Variants in CLN6 observed in about 807,000 individuals in gnomAD.
CLN6 encodes CLN6 transmembrane ER protein.
CLN6 carries 22 observed loss-of-function variants against 33.3 expected under a neutral mutation model. That is an observed-to-expected ratio of 0.66 (90% confidence interval 0.47 to 0.94). CLN6 has a LOEUF of 0.94. Ranked by LOEUF, CLN6 falls within the 40% of genes least tolerant of loss-of-function variation. CLN6 has a pLI of 0.00. For synonymous variants in CLN6, 201 were observed against 174.6 expected, an observed-to-expected ratio of 1.15 and a Z score of -1.19; for missense variants, 387 against 417.1, an observed-to-expected ratio of 0.93 and a Z score of 0.63.
In CLN6 at chr15:68,208,422, A is replaced by G; in HGVS notation, c.666-12T>C. 1.2e-6 allele frequency: 2 copies of G among 1,611,900 alleles called. No individual in the cohort carries two copies. The highest frequency in any genetic ancestry group is 1.7e-6 in the Non-Finnish European group (2 of 1,179,900). On this transcript the variant is annotated splice_polypyrimidine_tract_variant and intron_variant, in intron 6 of 6. Coordinates refer to ENST00000249806, the MANE Select transcript of CLN6 (RefSeq NM_017882.3). This position sits in a 1 kb window ranked among gnomAD's most constrained non-coding sequence, Gnocchi z 5.8. ...CGGTGACCAGGTACCTGGAAAGGCC[A>G]GGGGTGAGTGAGGCAGCTGCCGTGG...
At chr15:68,221,816 G>T (rs2093237007) in intron 1 of CLN6, among the ~76,000 whole-genome samples, 1 of 149,654 alleles carries the variant, frequency 6.7e-6, no homozygotes, top group African/African-American at 2.5e-5. Context: ...CGTCTGGGAA[G>T]TGAGGAGCGC....
intron 1 of CLN6, among the ~76,000 whole-genome samples, chr15:68,235,937 A>T (rs546343649): frequency 1.3e-5 from 2 of 152,362 alleles, no homozygotes; most frequent in Admixed American, 1.3e-4. Context: ...GAAGAAAACA[A>T]GCCACCATGA....
Position 68,227,045 on chromosome 15 carries a change from C to CT in CLN6, c.83+2456dup, listed in dbSNP as rs1256385648. On this transcript the variant is annotated intron_variant, in intron 1 of 6. Transcript: ENST00000249806. The surrounding 1 kb of genome is among the most constrained non-coding windows in gnomAD (Gnocchi z 4.1). ...TACTTTCTTTTCTTTTCTTTTTTTACTTTTTTTTTTTTTTGAGACAGTCTC... is the reference window on the plus strand; with the variant it reads ...TACTTTCTTTTCTTTTCTTTTTTTACTTTTTTTTTTTTTTTGAGACAGTCTC... Among the ~76,000 whole-genome samples, 2,552 of 142,952 alleles carry CT rather than the reference C, an allele frequency of 0.018. 14 individuals carry two copies. The highest frequency in any genetic ancestry group is 0.037 in the Middle Eastern group (10 of 270). 93.8% of individuals were successfully genotyped at this position (142,952 alleles called of 152,430 possible).
At chr15:68,254,250 GGA>G (rs1892409875) in intron 1 of CLN6, among the ~76,000 whole-genome samples, 1 of 152,150 alleles carries the variant, frequency 6.6e-6, no homozygotes. Flanking sequence ...TCTCTGGTGA[GGA>G]GAGAGAGCAC....
chr15:68,208,529 A>T lies in CLN6; in HGVS notation c.666-119T>A. 1 of 1,076,050 alleles carries T rather than the reference A, an allele frequency of 9.3e-7. No individual in the cohort carries two copies. Among genetic ancestry groups the T allele is most frequent in the Non-Finnish European group, 1.4e-6 (1 of 720,122 alleles). 66.7% of individuals were successfully genotyped at this position (1,076,050 alleles called of 1,614,324 possible). A position where few individuals can be genotyped will look rare whatever the true frequency, so the allele number is the denominator to read the frequency against. ...GCAGGCAGAAGAGTCCTCTGGTGCC[A>T]GGGCTCAGAGAACTATGCCGCTCTA... On this transcript the variant is annotated intron_variant, in intron 6 of 6. Coordinates refer to ENST00000249806, the MANE Select transcript of CLN6 (RefSeq NM_017882.3). The surrounding 1 kb of genome is among the most constrained non-coding windows in gnomAD (Gnocchi z 5.8).
At position 68,211,801 on chromosome 15, in the gene CLN6, G is replaced by A. The variant is rs1362402324; in HGVS notation, c.360C>T (p.Phe120=). 6.2e-7 allele frequency: 1 copy of A among 1,613,986 alleles called. No homozygotes were observed. The highest frequency in any genetic ancestry group is 8.5e-7 in the Non-Finnish European group (1 of 1,180,006). Residue 120 remains phenylalanine (F), a synonymous_variant, in exon 4 of 7, where the codon TTC becomes TTT. Coordinates refer to ENST00000249806, the MANE Select transcript of CLN6 (RefSeq NM_017882.3). The surrounding 1 kb of genome is among the most constrained non-coding windows in gnomAD (Gnocchi z 5.9). ...CCAGGTGGATGCTGGCACCCATGAT[G>A]AAGATGATGATGCTCACGTACGTGA... ...RSITYVSIII[F]IMGASIHLVG...
intron 1 of CLN6, chr15:68,254,755 TA>T: frequency 3.8e-6 from 3 of 782,412 alleles, no homozygotes. Flanking sequence ...AGCCCAAACC[TA>T]AAAAGGCCCC....
At position 68,242,978 on chromosome 15, in the gene CLN6, C is replaced by G. The variant is rs551225967; in HGVS notation, c.179+13712G>C. On this transcript the variant is annotated intron_variant, in intron 1 of 6. Coordinates refer to the CLN6 transcript ENST00000538696. This position sits in a 1 kb window ranked among gnomAD's most constrained non-coding sequence, Gnocchi z 5.0. ...TTCACTAAAAATAAAAGTTGCTAAG[C>G]GTTAACATTGTAATATGTAGTTGAG... 6.6e-6 allele frequency among the ~76,000 whole-genome samples: 1 copy of G among 152,096 alleles called. No individual in the cohort carries two copies. Among genetic ancestry groups the G allele is most frequent in the African/African-American group, 2.4e-5 (1 of 41,434 alleles).
At chr15:68,223,021 CAG>C (rs2093242225) in intron 1 of CLN6, among the ~76,000 whole-genome samples, 1 of 152,032 alleles carries the variant, frequency 6.6e-6, no homozygotes, top group South Asian at 2.1e-4. Flanking sequence ...CTAGGAAAAC[CAG>C]AGACCTTTGT....
At chr15:68,245,032 C>CA (rs34008952) in intron 1 of CLN6, among the ~76,000 whole-genome samples, 14,493 of 100,958 alleles carry the variant, frequency 0.14, 1,378 homozygotes, top group African/African-American at 0.17. Flanking sequence ...AAGACTCTGA[C>CA]AAAAAAAAAA....
In CLN6 at chr15:68,219,005, T is replaced by C. The variant is rs759418764; in HGVS notation, c.84-355A>G. On this transcript the variant is annotated intron_variant, in intron 1 of 6. Transcript: ENST00000249806. This position sits in a 1 kb window ranked among gnomAD's most constrained non-coding sequence, Gnocchi z 4.2. ...GATGATGGATCATGGCAGCTGACCT[T>C]AGTTGAGCACTTACTATATCCCAGG... Among the ~76,000 whole-genome samples the C allele has an allele frequency of 6.6e-6, 1 of 152,208 alleles. No individual in the cohort carries two copies. Among genetic ancestry groups the C allele is most frequent in the Non-Finnish European group, 1.5e-5 (1 of 68,030 alleles).
chr15:68,229,125 G>A (rs183619280), intron 1 of CLN6, among the ~76,000 whole-genome samples: 102 of 152,226 alleles, frequency 6.7e-4, no homozygotes, highest in African/African-American at 2.4e-3. Flanking sequence ...TAAGTTGGGG[G>A]TCCGAGTGAC....
intron 1 of CLN6, among the ~76,000 whole-genome samples, chr15:68,245,542 G>C (rs1410192907): frequency 6.6e-6 from 1 of 151,434 alleles, no homozygotes; most frequent in Non-Finnish European, 1.5e-5. Context: ...CTCCAGCCTG[G>C]GTGACACAGT....
rs1261111755 is a variant in CLN6 at position 68,209,109 on chromosome 15, AAG to A, written c.665+526_665+527del. ...GGCCTAAGTCCTCTGCAATGGGAAG[AAG>A]AGAGAGCCAGAGGGAACAAAGACCC... On this transcript the variant is annotated intron_variant, in intron 6 of 6. Coordinates refer to ENST00000249806, the MANE Select transcript of CLN6 (RefSeq NM_017882.3). This position sits in a 1 kb window ranked among gnomAD's most constrained non-coding sequence, Gnocchi z 4.9. Among the ~76,000 whole-genome samples, 1 of 152,234 alleles carries A rather than the reference AAG, an allele frequency of 6.6e-6. No homozygotes were observed. The highest frequency in any genetic ancestry group is 2.4e-5 in the African/African-American group (1 of 41,452).
intron 1 of CLN6, among the ~76,000 whole-genome samples, chr15:68,253,103 C>T (rs1215574595): frequency 6.6e-6 from 1 of 152,218 alleles, no homozygotes; most frequent in Non-Finnish European, 1.5e-5. Flanking sequence ...TCTTTCGCCA[C>T]TACATGGCAG....
At chr15:68,237,926 C>T (rs886553487) in intron 1 of CLN6, among the ~76,000 whole-genome samples, 3 of 151,944 alleles carry the variant, frequency 2.0e-5, no homozygotes, top group Non-Finnish European at 4.4e-5. Context: ...AGTTCGAGAC[C>T]AGCCTGGCCA....
At chr15:68,229,416 G>C (rs950573216) in intron 1 of CLN6, 86 bp downstream of exon 1, 2 of 1,095,052 alleles carry the variant, frequency 1.8e-6, no homozygotes, top group Non-Finnish European at 2.5e-6. Flanking sequence ...GTTCCCGCCC[G>C]GCAGCCCTAG....
Position 68,219,845 on chromosome 15 carries a change from G to A in CLN6, c.84-1195C>T, listed in dbSNP as rs888415508. On this transcript the variant is annotated intron_variant, in intron 1 of 6. Transcript: ENST00000249806. The surrounding 1 kb of genome is among the most constrained non-coding windows in gnomAD (Gnocchi z 4.2). ...AGAGGACTGAGGTGTGGGTTTCATCGTCTCGTTTGTGCCAAGAACAGGCGC... is the reference window on the plus strand; with the variant it reads ...AGAGGACTGAGGTGTGGGTTTCATCATCTCGTTTGTGCCAAGAACAGGCGC... 3.3e-5 allele frequency among the ~76,000 whole-genome samples: 5 copies of A among 152,166 alleles called. No homozygotes were observed. Among genetic ancestry groups the A allele is most frequent in the South Asian group, 2.1e-4 (1 of 4,826 alleles).
chr15:68,210,211 C>T lies in CLN6; in HGVS notation c.543-452G>A, dbSNP rs1463634419. Among the ~76,000 whole-genome samples the T allele has an allele frequency of 1.3e-5, 2 of 151,792 alleles. No individual in the cohort carries two copies. The highest frequency in any genetic ancestry group is 2.9e-5 in the Non-Finnish European group (2 of 67,944). ...CACCCACTCTCAGCACACAGCCCCA[C>T]CCCCACCTCAGACACCTCACCCCAA... On this transcript the variant is annotated intron_variant, in intron 5 of 6. Transcript: ENST00000249806. This position sits in a 1 kb window ranked among gnomAD's most constrained non-coding sequence, Gnocchi z 5.6.
Sources: allele counts gnomAD v4.1 joint callset (sites outside exome capture counted in the v4.1 genomes callset), GRCh38; gene constraint gnomAD v4.1.1; non-coding constraint Gnocchi (gnomAD v3.1); transcripts MANE v1.5; gene names NCBI Gene and HGNC (gene_info 2026-07-23, HGNC 2026-07-21).